CDK14: variants seen among roughly 807,000 people sequenced by gnomAD.
The protein encoded by CDK14 is cyclin-dependent kinase 14.
CDK14 carries 34 observed loss-of-function variants against 60.7 expected under a neutral mutation model. That is an observed-to-expected ratio of 0.56 (90% CI 0.43 to 0.75). The LOEUF is 0.75. CDK14 is among the 30% of genes least tolerant of loss of function. The pLI is 0.00. For synonymous variants in CDK14, 197 were observed against 203.7 expected, an observed-to-expected ratio of 0.97 and a Z score of 0.28; for missense variants, 482 against 564.1, an observed-to-expected ratio of 0.85 and a Z score of 1.47.
At chr7:90,981,105 C>T (rs770961321) in intron 9 of CDK14, among the ~76,000 whole-genome samples, 1 of 152,072 alleles carries the variant, frequency 6.6e-6, no homozygotes, top group Non-Finnish European at 1.5e-5. Flanking sequence ...AAGGAAGGTG[C>T]AGGTAGCTAT....
chr7:91,118,094 A>G lies in CDK14; in HGVS notation c.1324A>G (p.Arg442Gly). 6.2e-7 allele frequency: 1 copy of G among 1,613,048 alleles called. No individual in the cohort carries two copies. The highest frequency in any genetic ancestry group is 1.1e-5 in the South Asian group (1 of 91,006). Residue 442 changes from arginine to glycine, a missense_variant, in exon 14 of 15, where the codon AGA becomes GGA. Physicochemically the swap from Arg to Gly is moderately radical, Grantham distance 125 (BLOSUM62 -2). Transcript: ENST00000380050. ...TTCTATTTTTACTGTCCCAAATGTGAGATTGCAACCAGAAGCTGGAGAAAG... is the reference window on the plus strand; with the variant it reads ...TTCTATTTTTACTGTCCCAAATGTGGGATTGCAACCAGAAGCTGGAGAAAG... Reference protein sequence around the residue: ...MSSIFTVPNVRLQPEAGESMR... With the variant: ...MSSIFTVPNVGLQPEAGESMR...
intron 3 of CDK14, among the ~76,000 whole-genome samples, chr7:90,734,704 G>T (rs1803014358): frequency 6.6e-6 from 1 of 152,100 alleles, no homozygotes; most frequent in South Asian, 2.1e-4. Flanking sequence ...CTAGTTAGCA[G>T]TTCATCTAAC....
chr7:91,069,275 G>A (rs545604601), intron 11 of CDK14, among the ~76,000 whole-genome samples: 17 of 152,206 alleles, frequency 1.1e-4, no homozygotes, highest in South Asian at 1.0e-3. Context: ...ACAGCGGCTC[G>A]TGCTTGTAAT....
intron 8 of CDK14, among the ~76,000 whole-genome samples, chr7:90,951,663 A>C (rs1794267791): frequency 6.6e-6 from 1 of 152,250 alleles, no homozygotes; most frequent in Non-Finnish European, 1.5e-5. Context: ...AGGAATAATT[A>C]AATGTACATG....
At chr7:91,168,504 C>T (rs1203657288) in intron 14 of CDK14, among the ~76,000 whole-genome samples, 2 of 152,056 alleles carry the variant, frequency 1.3e-5, no homozygotes, top group African/African-American at 4.8e-5. Flanking sequence ...ACCTTACTTG[C>T]CAGGCATGAT....
chr7:90,938,155 C>T (rs1793812055), intron 8 of CDK14, among the ~76,000 whole-genome samples: 1 of 152,190 alleles, frequency 6.6e-6, no homozygotes, highest in South Asian at 2.1e-4. Context: ...CTTCTGTCAC[C>T]CTGTATTTTC....
At chr7:91,185,824 G>A (rs982798861) in intron 14 of CDK14, among the ~76,000 whole-genome samples, 2 of 151,850 alleles carry the variant, frequency 1.3e-5, no homozygotes, top group Non-Finnish European at 2.9e-5. Flanking sequence ...TGCAAACATC[G>A]CCACAATCTA....
At chr7:90,956,342 A>G (rs1038023337) in intron 9 of CDK14, among the ~76,000 whole-genome samples, 3 of 152,288 alleles carry the variant, frequency 2.0e-5, no homozygotes, top group African/African-American at 7.2e-5. Flanking sequence ...CACTTTCACA[A>G]ATGCTTTAGC....
At chr7:91,041,901 C>T (rs991810441) in intron 10 of CDK14, among the ~76,000 whole-genome samples, 5 of 152,138 alleles carry the variant, frequency 3.3e-5, no homozygotes, top group South Asian at 2.1e-4. Flanking sequence ...TATCTGGTGC[C>T]GGGCACATGG....
At chr7:90,628,845 AAGAGAGAGAGAC>A (rs1449366562) in intron 2 of CDK14, among the ~76,000 whole-genome samples, 7 of 151,838 alleles carry the variant, frequency 4.6e-5, no homozygotes, top group African/African-American at 1.7e-4. Flanking sequence ...GACCCTTAAG[AAGAGAGAGAGAC>A]AGAGAGAGAG....
At chr7:91,199,984 A>G (rs1217635852) in intron 14 of CDK14, among the ~76,000 whole-genome samples, 3 of 152,164 alleles carry the variant, frequency 2.0e-5, no homozygotes, top group Non-Finnish European at 2.9e-5. Flanking sequence ...AGTAGGTTTG[A>G]CTAATTTTCT....
intron 14 of CDK14, among the ~76,000 whole-genome samples, chr7:91,157,614 T>C (rs780556497): frequency 6.6e-6 from 1 of 152,184 alleles, no homozygotes. Context: ...GGTATTAACT[T>C]TGTGGCCTTG....
intron 11 of CDK14, among the ~76,000 whole-genome samples, chr7:91,056,115 T>C (rs914932640): frequency 3.8e-4 from 58 of 152,308 alleles, no homozygotes; most frequent in African/African-American, 1.3e-3. Context: ...GAAGTTTGGA[T>C]GTAAAACAAG....
At chr7:91,068,392 A>T (rs1798040199) in intron 11 of CDK14, among the ~76,000 whole-genome samples, 1 of 152,114 alleles carries the variant, frequency 6.6e-6, no homozygotes, top group Non-Finnish European at 1.5e-5. Context: ...GTTATTAAAT[A>T]TTTTGTCAAT....
At chr7:90,651,914 T>C (rs1032727764) in intron 2 of CDK14, among the ~76,000 whole-genome samples, 3 of 152,150 alleles carry the variant, frequency 2.0e-5, no homozygotes, top group East Asian at 1.9e-4. Flanking sequence ...CTTATTCCTA[T>C]GTATTTTCCA....
intron 5 of CDK14, among the ~76,000 whole-genome samples, chr7:90,839,611 A>G (rs367913677): frequency 6.6e-6 from 1 of 152,178 alleles, no homozygotes; most frequent in South Asian, 2.1e-4. Flanking sequence ...GTCTTGTGAA[A>G]ACAACATATT....
chr7:90,930,770 T>G (rs1370844151), intron 8 of CDK14, among the ~76,000 whole-genome samples: 1 of 152,160 alleles, frequency 6.6e-6, no homozygotes, highest in East Asian at 1.9e-4. Context: ...TTCATAGCTC[T>G]TACTTTGTTT....
chr7:90,797,655 A>G (rs1788487173), intron 5 of CDK14, among the ~76,000 whole-genome samples: 1 of 151,996 alleles, frequency 6.6e-6, no homozygotes, highest in Admixed American at 6.6e-5. Flanking sequence ...AGGCTGTACC[A>G]GAAGCACAGC....
intron 2 of CDK14, among the ~76,000 whole-genome samples, chr7:90,682,856 T>A (rs1478639620): frequency 6.6e-6 from 1 of 152,214 alleles, no homozygotes; most frequent in East Asian, 1.9e-4. Flanking sequence ...GTTTATGTAA[T>A]GTTTCCTCTT....
Sources: allele counts gnomAD v4.1 joint callset (sites outside exome capture counted in the v4.1 genomes callset), GRCh38; gene constraint gnomAD v4.1.1; transcripts MANE v1.5; gene names NCBI Gene and HGNC (gene_info 2026-07-23, HGNC 2026-07-21).